PALM2AKAP2: variants seen among roughly 807,000 people sequenced by gnomAD.
The protein encoded by PALM2AKAP2 is PALM2 and AKAP2 fusion.
PALM2AKAP2 carries 37 observed loss-of-function variants against 71.5 expected under a neutral mutation model. The ratio of observed to expected loss-of-function variants is 0.52; its 90% confidence interval spans 0.40 to 0.68. PALM2AKAP2 has a LOEUF of 0.68. Among genes scored for constraint, PALM2AKAP2 ranks in the 30% least tolerant of loss-of-function variants. PALM2AKAP2 has a pLI of 0.00. For synonymous variants in PALM2AKAP2, 468 were observed against 478.8 expected, an observed-to-expected ratio of 0.98 and a Z score of 0.29; for missense variants, 1,224 against 1,191.8, an observed-to-expected ratio of 1.03 and a Z score of -0.40.
chr9:109,954,992 A>C (rs1309966830), intron 6 of PALM2AKAP2, among the ~76,000 whole-genome samples: 12 of 152,006 alleles, frequency 7.9e-5, no homozygotes, highest in Non-Finnish European at 1.5e-4. Context: ...ACCAACACCA[A>C]CACCACCACC....
chr9:110,013,041 C>T (rs1167022850), intron 6 of PALM2AKAP2, among the ~76,000 whole-genome samples: 4 of 152,204 alleles, frequency 2.6e-5, no homozygotes, highest in East Asian at 1.9e-4. Context: ...CATTGGCTTT[C>T]GTTGTCATGC....
intron 1 of PALM2AKAP2, among the ~76,000 whole-genome samples, chr9:110,094,197 G>A (rs1288519605): frequency 6.6e-6 from 1 of 152,198 alleles, no homozygotes; most frequent in African/African-American, 2.4e-5. Context: ...CTAGGCTGAG[G>A]CCCATGTGTG....
chr9:109,925,987 C>T (rs995446483), intron 5 of PALM2AKAP2, among the ~76,000 whole-genome samples: 114 of 152,218 alleles, frequency 7.5e-4, no homozygotes, highest in African/African-American at 2.6e-3. Flanking sequence ...TGGGAGGATC[C>T]CTTGAGCCCA....
chr9:109,932,137 C>T, intron 6 of PALM2AKAP2, 109 bp downstream of exon 6: 1 of 1,190,480 alleles, frequency 8.4e-7, no homozygotes, highest in South Asian at 2.1e-5. Context: ...GGGAGCTCAC[C>T]TTCAGCCCAG....
intron 1 of PALM2AKAP2, among the ~76,000 whole-genome samples, chr9:109,670,395 T>A (rs1381774572): frequency 6.6e-6 from 1 of 152,176 alleles, no homozygotes; most frequent in African/African-American, 2.4e-5. Flanking sequence ...CTGTGTTAAT[T>A]TGCTATGGAT....
intron 1 of PALM2AKAP2, among the ~76,000 whole-genome samples, chr9:109,680,020 G>C (rs529151599): frequency 6.6e-6 from 1 of 152,146 alleles, no homozygotes; most frequent in Non-Finnish European, 1.5e-5. Flanking sequence ...AAAGGAGAGA[G>C]TTTTTCAACT....
chr9:109,737,100 C>T (rs898908344), intron 1 of PALM2AKAP2, among the ~76,000 whole-genome samples: 2 of 152,168 alleles, frequency 1.3e-5, no homozygotes, highest in Admixed American at 1.3e-4. Flanking sequence ...TGCCAGGAAG[C>T]GTTCTTTCTC....
intron 2 of PALM2AKAP2, among the ~76,000 whole-genome samples, chr9:109,871,546 G>GA (rs1265833989): frequency 6.6e-6 from 1 of 151,962 alleles, no homozygotes; most frequent in Non-Finnish European, 1.5e-5. Flanking sequence ...AAAATATAAA[G>GA]AAAAAACATA....
intron 3 of PALM2AKAP2, among the ~76,000 whole-genome samples, chr9:110,157,720 G>T (rs537846097): frequency 6.6e-6 from 1 of 152,216 alleles, no homozygotes; most frequent in South Asian, 2.1e-4. Flanking sequence ...TCTTGAAAGT[G>T]TCCCAGTTTG....
intron 1 of PALM2AKAP2, among the ~76,000 whole-genome samples, chr9:109,846,922 C>A (rs1054038512): frequency 2.0e-5 from 3 of 152,178 alleles, no homozygotes; most frequent in Non-Finnish European, 4.4e-5. Flanking sequence ...GACAGCACTT[C>A]GTCATTTGAA....
At chr9:109,923,191 T>G (rs1830877667) in intron 3 of PALM2AKAP2, among the ~76,000 whole-genome samples, 1 of 152,178 alleles carries the variant, frequency 6.6e-6, no homozygotes, top group Non-Finnish European at 1.5e-5. Context: ...GCAGGGGCAG[T>G]TGCATCTGTC....
chr9:109,835,136 G>A (rs1001950216), intron 1 of PALM2AKAP2, among the ~76,000 whole-genome samples: 9 of 151,712 alleles, frequency 5.9e-5, no homozygotes, highest in African/African-American at 2.2e-4. Context: ...AAGCAGAGGG[G>A]ACCCACACTG....
chr9:109,806,578 G>A (rs944763088), intron 1 of PALM2AKAP2, among the ~76,000 whole-genome samples: 5 of 152,158 alleles, frequency 3.3e-5, no homozygotes, highest in African/African-American at 4.8e-5. Flanking sequence ...TTCATAGAAT[G>A]TTCAAGAAAA....
At chr9:109,652,348 A>G (rs1166563171) in intron 1 of PALM2AKAP2, among the ~76,000 whole-genome samples, 1 of 152,090 alleles carries the variant, frequency 6.6e-6, no homozygotes, top group Non-Finnish European at 1.5e-5. Context: ...AGCTCATGCA[A>G]GAGCTGACTG....
chr9:110,074,487 A>T (rs530765504), intron 1 of PALM2AKAP2, among the ~76,000 whole-genome samples: 9 of 152,278 alleles, frequency 5.9e-5, no homozygotes, highest in Admixed American at 4.6e-4. Context: ...TATGGTTTAC[A>T]TGTAGAATTC....
intron 1 of PALM2AKAP2, among the ~76,000 whole-genome samples, chr9:109,694,002 T>G (rs1827933252): frequency 6.6e-6 from 1 of 152,042 alleles, no homozygotes; most frequent in African/African-American, 2.4e-5. Context: ...GATTTATTTC[T>G]TTACTTGGCT....
At chr9:110,035,439 T>C (rs1212275287) in intron 7 of PALM2AKAP2, among the ~76,000 whole-genome samples, 1 of 145,156 alleles carries the variant, frequency 6.9e-6, no homozygotes, top group Non-Finnish European at 1.5e-5. Flanking sequence ...ATACGTATAT[T>C]ATGCGTATAA....
chr9:110,043,714 G>GTTT (rs71492869), upstream of PALM2AKAP2, among the ~76,000 whole-genome samples: 1,796 of 97,522 alleles, frequency 0.018, 43 homozygotes, highest in African/African-American at 0.027. Flanking sequence ...GTTTTTTTTG[G>GTTT]TGTTTTTTTT....
chr9:109,663,290 T>A, intron 1 of PALM2AKAP2, among the ~76,000 whole-genome samples: 1 of 152,198 alleles, frequency 6.6e-6, no homozygotes, highest in Admixed American at 6.5e-5. Context: ...GGGTGTTGAT[T>A]TTAGATCTTT....
Sources: gnomAD v4.1 joint callset for allele counts (sites outside exome capture counted in the v4.1 genomes callset) on GRCh38, gnomAD v4.1.1 for gene constraint, MANE v1.5 for transcripts, NCBI Gene and HGNC (gene_info 2026-07-23, HGNC 2026-07-21) for gene names.